Variants in GPRIN3 observed in about 807,000 individuals in gnomAD.
GPRIN3 encodes the protein GPRIN family member 3.
In GPRIN3, 12 loss-of-function variants were observed where a neutral mutation model predicts 13.7. That is an observed-to-expected ratio of 0.87 (90% confidence interval 0.56 to 1.42). The LOEUF is 1.42. GPRIN3 is among the 40% of genes most tolerant of loss of function. The pLI is 0.00. For synonymous variants in GPRIN3, 377 were observed against 372.7 expected (o/e 1.01, Z -0.13); for missense variants, 1,009 against 958.7 (o/e 1.05, Z -0.69).
At chr4:89,263,178 C>G (rs1723681431) in intron 1 of GPRIN3, among the ~76,000 whole-genome samples, 2 of 152,202 alleles carry the variant, frequency 1.3e-5, no homozygotes, top group African/African-American at 4.8e-5. Context: ...CCACTTGCTG[C>G]TAATGTTACC....
chr4:89,264,495 T>C (rs1295825684), intron 1 of GPRIN3, among the ~76,000 whole-genome samples: 3 of 152,164 alleles, frequency 2.0e-5, no homozygotes, highest in Non-Finnish European at 2.9e-5. Flanking sequence ...CTAAGCCTTA[T>C]ACTTGGTTCT....
Position 89,248,584 on chromosome 4 carries a change from G to A in GPRIN3, c.1527C>T (p.Cys509=), listed in dbSNP as rs749874675. The A allele has an allele frequency of 3.1e-6, 5 of 1,613,182 alleles. No homozygotes were observed. The highest frequency in any genetic ancestry group is 2.7e-5 in the African/African-American group (2 of 74,890). ...TTNGHKTDPD[C]KLSDSCGSIS... ...TAGAGCCACAAGAGTCAGATAGTTT[G>A]CAATCTGGGTCTGTTTTGTGGCCGT... The change falls in exon 2 of 2, where the codon TGC becomes TGT. Residue 509 remains cysteine (C), a synonymous_variant. Transcript: ENST00000609438.
intron 1 of GPRIN3, among the ~76,000 whole-genome samples, chr4:89,262,833 A>G (rs1224171132): frequency 6.6e-6 from 1 of 152,098 alleles, no homozygotes; most frequent in Admixed American, 6.5e-5. Context: ...CCATCCCCCT[A>G]CTTTCCTATT....
intron 1 of GPRIN3, among the ~76,000 whole-genome samples, chr4:89,306,120 A>G (rs1301479304): frequency 6.6e-6 from 1 of 152,212 alleles, no homozygotes; most frequent in Non-Finnish European, 1.5e-5. Context: ...CAAAACTTGA[A>G]AAACTAAACA....
Position 89,249,182 on chromosome 4 carries a change from T to C in GPRIN3, c.929A>G (p.Lys310Arg), listed in dbSNP as rs1723230907. The change falls in exon 2 of 2, where the codon AAG (lysine) becomes AGG (arginine). Residue 310 changes from lysine to arginine, a missense_variant. Coordinates refer to ENST00000609438, the MANE Select transcript of GPRIN3 (RefSeq NM_198281.3). ...TMTNQAESEI[K>R]EVPSRAWQDA... ...TTGCCAAGCCCTGCTGGGAACTTCC[T>C]TGATTTCACTTTCAGCTTGGTTGGT... 3.7e-6 allele frequency: 6 copies of C among 1,614,208 alleles called. No individual in the cohort carries two copies. In the East Asian group the frequency reaches 1.3e-4, roughly 36 times the overall value.
chr4:89,304,415 C>T (rs1224543557), intron 1 of GPRIN3, among the ~76,000 whole-genome samples: 2 of 151,736 alleles, frequency 1.3e-5, no homozygotes, highest in Non-Finnish European at 2.9e-5. Flanking sequence ...CACACACACA[C>T]ATACGTATAT....
chr4:89,254,595 T>C (rs1397563132), intron 1 of GPRIN3, among the ~76,000 whole-genome samples: 1 of 152,230 alleles, frequency 6.6e-6, no homozygotes, highest in Non-Finnish European at 1.5e-5. Flanking sequence ...CCATGGTGTA[T>C]GCGTATCACA....
intron 1 of GPRIN3, among the ~76,000 whole-genome samples, chr4:89,262,125 CAAAAAA>C (rs61290252): frequency 7.4e-5 from 4 of 53,822 alleles, no homozygotes; most frequent in African/African-American, 1.6e-4. Context: ...GACCCAGTCT[CAAAAAA>C]AAAAAAAAAA....
intron 1 of GPRIN3, among the ~76,000 whole-genome samples, chr4:89,269,480 G>C (rs1023542794): frequency 6.6e-6 from 1 of 151,968 alleles, no homozygotes; most frequent in African/African-American, 2.4e-5. Flanking sequence ...CCTCCAAAAG[G>C]CTAGTGTATT....
At chr4:89,292,523 C>A (rs576144706) in intron 1 of GPRIN3, among the ~76,000 whole-genome samples, 1 of 152,168 alleles carries the variant, frequency 6.6e-6, no homozygotes, top group African/African-American at 2.4e-5. Flanking sequence ...ACAGAGGGGA[C>A]CTGATCTGTA....
At chr4:89,250,280 G>A in intron 1 of GPRIN3, 47 bp from the exon 2 acceptor site, 1 of 1,300,980 alleles carries the variant, frequency 7.7e-7, no homozygotes, top group East Asian at 2.7e-5. Flanking sequence ...GTCGCTTAAG[G>A]ATTGAAAAAT....
chr4:89,283,778 T>C (rs1724325027), intron 1 of GPRIN3, among the ~76,000 whole-genome samples: 1 of 152,016 alleles, frequency 6.6e-6, no homozygotes, highest in Non-Finnish European at 1.5e-5. Flanking sequence ...CATGAATAGA[T>C]ATACAGGCAG....
intron 1 of GPRIN3, among the ~76,000 whole-genome samples, chr4:89,252,926 A>G (rs1723366532): frequency 6.7e-6 from 1 of 148,978 alleles, no homozygotes; most frequent in Non-Finnish European, 1.5e-5. Flanking sequence ...CAAAAAGCCT[A>G]CCTATTCTTC....
chr4:89,307,440 C>A (rs548100609), intron 1 of GPRIN3, among the ~76,000 whole-genome samples, 175 bp downstream of exon 1: 1 of 152,254 alleles, frequency 6.6e-6, no homozygotes, highest in South Asian at 2.1e-4. Flanking sequence ...TCATCACCTG[C>A]GAGAAAGACT....
intron 1 of GPRIN3, among the ~76,000 whole-genome samples, chr4:89,271,272 A>G (rs9993760): frequency 0.26 from 39,708 of 152,006 alleles, 5,508 homozygotes; most frequent in South Asian, 0.4. Flanking sequence ...TCAAATAGCT[A>G]GTAAGAAATA....
Position 89,243,435 on chromosome 4 carries a change from G to A in GPRIN3, c.*4345C>T, listed in dbSNP as rs1466404018. 6.6e-6 allele frequency: 1 copy of A among 152,150 alleles called. No individual in the cohort carries two copies. The highest frequency in any genetic ancestry group is 1.9e-4 in the East Asian group (1 of 5,188). 9.4% of individuals were successfully genotyped at this position (152,150 alleles called of 1,614,324 possible). ...TGGCAGCAGCTGACCCGAATTTGGA[G>A]AGAATCAACCAAAAAGGGCCACGCA... On this transcript the variant is annotated 3_prime_UTR_variant, in exon 2 of 2. Coordinates refer to ENST00000609438, the MANE Select transcript of GPRIN3 (RefSeq NM_198281.3).
In GPRIN3 at chr4:89,248,313, T is replaced by C. The variant is rs781083957; in HGVS notation, c.1798A>G (p.Lys600Glu). Residue 600 changes from lysine (K) to glutamate (E), a missense_variant, in exon 2 of 2, where the codon AAG becomes GAG. Transcript: ENST00000609438. ...ESTLEENRQTKTATSLSLPSD... is the reference protein window; with the variant it reads ...ESTLEENRQTETATSLSLPSD... ...GGCAGGCTCAGGCTGGTGGCTGTCTTGGTCTGTCTGTTTTCTTCTAAGGTG... is the reference window on the plus strand; with the variant it reads ...GGCAGGCTCAGGCTGGTGGCTGTCTCGGTCTGTCTGTTTTCTTCTAAGGTG... The C allele has an allele frequency of 6.2e-7, 1 of 1,614,142 alleles. No individual in the cohort carries two copies. Among genetic ancestry groups the C allele is most frequent in the South Asian group, 1.1e-5 (1 of 91,086 alleles).
intron 1 of GPRIN3, among the ~76,000 whole-genome samples, chr4:89,261,020 G>C (rs1258017434): frequency 5.9e-5 from 9 of 151,552 alleles, no homozygotes; most frequent in African/African-American, 2.2e-4. Flanking sequence ...CACAACCCCC[G>C]CCCCCCAATG....
At chr4:89,265,264 G>C (rs1723752629) in intron 1 of GPRIN3, among the ~76,000 whole-genome samples, 1 of 152,084 alleles carries the variant, frequency 6.6e-6, no homozygotes, top group African/African-American at 2.4e-5. Flanking sequence ...ATATATCAGT[G>C]TTTTGAGGGG....
Sources: gnomAD v4.1 joint callset for allele counts (sites outside exome capture counted in the v4.1 genomes callset) on GRCh38, gnomAD v4.1.1 for gene constraint, MANE v1.5 for transcripts, NCBI Gene and HGNC (gene_info 2026-07-23, HGNC 2026-07-21) for gene names.